PRKCA: variants seen among roughly 807,000 people sequenced by gnomAD.
PRKCA encodes the protein protein kinase C alpha.
PRKCA carries 27 observed loss-of-function variants against 87.0 expected under a neutral mutation model. The observed-to-expected ratio is 0.31, with a 90% confidence interval of 0.23 to 0.43. The LOEUF (loss-of-function observed/expected upper bound fraction) is 0.43, where lower values mean the gene tolerates loss of function less well. PRKCA is among the 20% of genes least tolerant of loss of function. The pLI is 1.00. For synonymous variants in PRKCA, 329 were observed against 311.1 expected, an observed-to-expected ratio of 1.06 and a Z score of -0.61; for missense variants, 518 against 852.3, an observed-to-expected ratio of 0.61 and a Z score of 4.88.
chr17:66,721,061 C>G (rs547925070), intron 8 of PRKCA, among the ~76,000 whole-genome samples: 1 of 152,022 alleles, frequency 6.6e-6, no homozygotes, highest in Non-Finnish European at 1.5e-5. Context: ...TGGGGCAAGT[C>G]CACAGAGTAA....
At chr17:66,400,831 A>G (rs944048979) in intron 2 of PRKCA, among the ~76,000 whole-genome samples, 1 of 152,186 alleles carries the variant, frequency 6.6e-6, no homozygotes, top group African/African-American at 2.4e-5. Flanking sequence ...TCTATAGTTT[A>G]TTATGTCAAG....
At chr17:66,694,076 T>C (rs1291207299) in intron 8 of PRKCA, among the ~76,000 whole-genome samples, 2 of 152,198 alleles carry the variant, frequency 1.3e-5, no homozygotes, top group East Asian at 3.8e-4. Flanking sequence ...GGATATTAGT[T>C]GTTGTCAGGG....
At chr17:66,341,691 A>G (rs949340172) in intron 2 of PRKCA, among the ~76,000 whole-genome samples, 5 of 152,366 alleles carry the variant, frequency 3.3e-5, no homozygotes, top group African/African-American at 1.2e-4. Context: ...GTACTTGACC[A>G]TGCAGGTATG....
intron 8 of PRKCA, among the ~76,000 whole-genome samples, chr17:66,731,840 A>C (rs185185840): frequency 8.0e-6 from 1 of 125,192 alleles, no homozygotes. Flanking sequence ...CTGGAGTGCA[A>C]TGGCGCGATC....
intron 2 of PRKCA, among the ~76,000 whole-genome samples, chr17:66,347,759 CTT>C (rs1405888115): frequency 1.3e-5 from 2 of 151,964 alleles, no homozygotes; most frequent in South Asian, 4.2e-4. Flanking sequence ...ACTTGGAAAA[CTT>C]TATTGTATTT....
At chr17:66,367,912 C>T (rs140361725) in intron 2 of PRKCA, among the ~76,000 whole-genome samples, 55 of 152,282 alleles carry the variant, frequency 3.6e-4, no homozygotes, top group Admixed American at 1.4e-3. Context: ...CCTAAATAAG[C>T]ACTTAAGAGG....
At chr17:66,386,201 A>G (rs111960294) in intron 2 of PRKCA, among the ~76,000 whole-genome samples, 1 of 152,136 alleles carries the variant, frequency 6.6e-6, no homozygotes, top group Non-Finnish European at 1.5e-5. Context: ...CAGTTCTGAG[A>G]CTTGCTTTTT....
At chr17:66,376,544 A>T (rs1909425689) in intron 2 of PRKCA, among the ~76,000 whole-genome samples, 1 of 151,534 alleles carries the variant, frequency 6.6e-6, no homozygotes, top group Non-Finnish European at 1.5e-5. Flanking sequence ...GGAGGCAGAG[A>T]CTGCACAGAG....
intron 10 of PRKCA, among the ~76,000 whole-genome samples, chr17:66,736,828 G>T (rs1974041647): frequency 6.6e-6 from 1 of 152,124 alleles, no homozygotes; most frequent in African/African-American, 2.4e-5. Flanking sequence ...GCTGTTTTGG[G>T]ACATCACCAC....
intron 16 of PRKCA, among the ~76,000 whole-genome samples, chr17:66,791,958 T>C (rs1975548772): frequency 1.3e-5 from 2 of 152,122 alleles, no homozygotes; most frequent in South Asian, 2.1e-4. Flanking sequence ...CTCTAACGGG[T>C]CATTTTGTTA....
chr17:66,791,628 G>A (rs1003320268), intron 16 of PRKCA, among the ~76,000 whole-genome samples: 3 of 152,206 alleles, frequency 2.0e-5, no homozygotes, highest in Middle Eastern at 3.2e-3. Flanking sequence ...GAGGCTCATC[G>A]CAGCATGTCA....
At chr17:66,666,515 G>A (rs781748995) in intron 5 of PRKCA, among the ~76,000 whole-genome samples, 2 of 152,042 alleles carry the variant, frequency 1.3e-5, no homozygotes, top group Non-Finnish European at 2.9e-5. Flanking sequence ...TCTCCTTCAG[G>A]GGACTTTGAG....
chr17:66,666,723 C>T (rs897530167), intron 5 of PRKCA, among the ~76,000 whole-genome samples: 12 of 152,296 alleles, frequency 7.9e-5, no homozygotes, highest in African/African-American at 2.9e-4. Flanking sequence ...TCCCCAAAAT[C>T]TGACTCTTTG....
intron 2 of PRKCA, among the ~76,000 whole-genome samples, chr17:66,420,987 T>C (rs1912457233): frequency 6.6e-6 from 1 of 152,224 alleles, no homozygotes; most frequent in East Asian, 1.9e-4. Flanking sequence ...GCATTATTGT[T>C]ATGCTGTCAT....
chr17:66,383,696 C>CTT (rs928655542), intron 2 of PRKCA, among the ~76,000 whole-genome samples: 5 of 152,168 alleles, frequency 3.3e-5, no homozygotes, highest in African/African-American at 1.2e-4. Flanking sequence ...CTGTCAAACT[C>CTT]TAAGAAAATT....
At chr17:66,761,400 T>C (rs1488080027) in intron 13 of PRKCA, among the ~76,000 whole-genome samples, 1 of 151,652 alleles carries the variant, frequency 6.6e-6, no homozygotes, top group East Asian at 1.9e-4. Context: ...GTTTGGACTC[T>C]AGACTCTTTG....
intron 2 of PRKCA, among the ~76,000 whole-genome samples, chr17:66,399,512 C>T (rs1410114188): frequency 6.6e-6 from 1 of 152,192 alleles, no homozygotes; most frequent in Non-Finnish European, 1.5e-5. Context: ...TGCAAGCCTA[C>T]AGTTTGGTAG....
intron 2 of PRKCA, among the ~76,000 whole-genome samples, chr17:66,363,813 C>T (rs766424596): frequency 6.6e-6 from 1 of 152,176 alleles, no homozygotes; most frequent in African/African-American, 2.4e-5. Flanking sequence ...AACGATTCTT[C>T]TGCCTCAGCC....
intron 2 of PRKCA, among the ~76,000 whole-genome samples, chr17:66,457,149 C>T (rs1464568434): frequency 6.6e-6 from 1 of 152,134 alleles, no homozygotes; most frequent in Non-Finnish European, 1.5e-5. Flanking sequence ...ATAGACTCAT[C>T]TTGGAGTCGT....
Sources: gnomAD v4.1 joint callset for allele counts (sites outside exome capture counted in the v4.1 genomes callset) on GRCh38, gnomAD v4.1.1 for gene constraint, MANE v1.5 for transcripts, NCBI Gene and HGNC (gene_info 2026-07-23, HGNC 2026-07-21) for gene names.